The following MICAL3 variants were observed in gnomAD, a reference collection of about 807,000 sequenced individuals.
MICAL3 encodes [F-actin]-monooxygenase MICAL3.
In MICAL3, 62 loss-of-function variants were observed where a neutral mutation model predicts 207.4. That is an observed-to-expected ratio of 0.30 (90% CI 0.24 to 0.37). The LOEUF is 0.37. Ranked by LOEUF, MICAL3 falls within the 10% of genes least tolerant of loss-of-function variation. MICAL3 has a pLI of 1.00. For synonymous variants in MICAL3, 1,077 were observed against 1,069.3 expected (o/e 1.01, Z -0.14); for missense variants, 2,368 against 2,635.6 (o/e 0.90, Z 2.22).
chr22:17,916,026 C>T (rs1932478467), intron 1 of MICAL3, among the ~76,000 whole-genome samples: 1 of 130,694 alleles, frequency 7.7e-6, no homozygotes, highest in East Asian at 2.3e-4. Context: ...CACTGCATTC[C>T]AGCCTGGGGA....
At chr22:17,995,950 C>T (rs1253190256) in intron 1 of MICAL3, among the ~76,000 whole-genome samples, 1 of 151,212 alleles carries the variant, frequency 6.6e-6, no homozygotes, top group Middle Eastern at 3.2e-3. Flanking sequence ...TGTTCGAGCC[C>T]AGGAGCTCTA....
chr22:18,016,212 G>A (rs949923734), intron 1 of MICAL3, among the ~76,000 whole-genome samples: 1 of 152,046 alleles, frequency 6.6e-6, no homozygotes, highest in Non-Finnish European at 1.5e-5. Flanking sequence ...TTAACCATTA[G>A]CAAGAAGCAT....
chr22:17,809,571 T>G (rs365746), intron 28 of MICAL3, among the ~76,000 whole-genome samples: 53,416 of 152,098 alleles, frequency 0.35, 9,948 homozygotes, highest in African/African-American at 0.49. Flanking sequence ...GAGGCAGAGG[T>G]TGCAGTGAGC....
intron 22 of MICAL3, 119 bp downstream of exon 22, chr22:17,827,525 G>T: frequency 9.2e-7 from 1 of 1,087,922 alleles, no homozygotes; most frequent in Non-Finnish European, 1.3e-6. Context: ...GGATGCGCCT[G>T]GCTCCCGTGT....
At chr22:17,884,173 G>C in intron 16 of MICAL3, 1 of 673,730 alleles carries the variant, frequency 1.5e-6, no homozygotes, top group East Asian at 3.3e-5. Flanking sequence ...GCCCTCATGA[G>C]CTAGGATTCC....
At chr22:17,843,468 C>G (rs1924279321) in intron 19 of MICAL3, among the ~76,000 whole-genome samples, 1 of 152,182 alleles carries the variant, frequency 6.6e-6, no homozygotes, top group South Asian at 2.1e-4. Context: ...ATGCCTGGCT[C>G]CACCAGTAGT....
At position 17,849,644 on chromosome 22, in the gene MICAL3, ATGTGTGTGTGTGTG is replaced by A. The variant is rs149239378; in HGVS notation, c.2606-7641_2606-7628del. 7.6e-3 allele frequency among the ~76,000 whole-genome samples: 604 copies of A among 79,450 alleles called. 3 individuals are homozygous for A. Among genetic ancestry groups the A allele is most frequent in the Middle Eastern group, 0.016 (2 of 128 alleles). 52.1% of individuals were successfully genotyped at this position (79,450 alleles called of 152,430 possible). ...GCCACTGTGCCTGGCCCAGAATGGA[ATGTGTGTGTGTGTG>A]TGTGTGTGTGTGTGTGTGTGTGTGT... On this transcript the variant is annotated intron_variant, in intron 19 of 31. Transcript: ENST00000441493.
chr22:17,801,941 CAAAG>C (rs1385957615), intron 29 of MICAL3, among the ~76,000 whole-genome samples: 3 of 151,538 alleles, frequency 2.0e-5, no homozygotes, highest in African/African-American at 7.3e-5. Context: ...ACCCAAAAAA[CAAAG>C]AAAGCAGGAG....
At chr22:17,917,880 T>C (rs1602217258) in intron 1 of MICAL3, among the ~76,000 whole-genome samples, 1 of 152,214 alleles carries the variant, frequency 6.6e-6, no homozygotes, top group Non-Finnish European at 1.5e-5. Context: ...GTACAAAGCA[T>C]GTCCCTTCCC....
intron 16 of MICAL3, chr22:17,879,355 G>T: frequency 6.2e-7 from 1 of 1,611,488 alleles, no homozygotes; most frequent in Non-Finnish European, 8.5e-7. Context: ...CCCTCTCATG[G>T]TGGGGGCTCT....
At position 17,896,794 on chromosome 22, in the gene MICAL3, T is replaced by C. The variant is rs1245286098; in HGVS notation, c.1136A>G (p.Asn379Ser). 3.1e-6 allele frequency: 5 copies of C among 1,613,992 alleles called. No individual in the cohort carries two copies. The Admixed American group carries it at 8.3e-5, about 27-fold the overall frequency. The change falls in exon 8 of 32, where the codon AAC (asparagine) becomes AGC (serine). Residue 379 changes from asparagine (N) to serine (S), a missense_variant. This residue lies in a region of MICAL3 where 400 missense variants were observed against 547.0 expected (regional missense o/e 0.73). Transcript: ENST00000441493. ...FDFTCMYASE[N>S]AALVREQNGH... The stretch of plus-strand genomic sequence containing the variant: ...GTTCTGCTCCCGCACCAAGGCGGCG[T>C]TCTCGGAGGCATACATACAAGTGAA...
At position 17,964,200 on chromosome 22, in the gene MICAL3, C is replaced by CA. The variant is rs142212182; in HGVS notation, c.-74-57315dup. Reference sequence around the variant, plus strand: ...ATGAAGAAAAGAGCCAATCAAGACCCAAAAAATCTGCCTCTCCTCAGCTCA... The same window carrying CA: ...ATGAAGAAAAGAGCCAATCAAGACCCAAAAAAATCTGCCTCTCCTCAGCTCA... On this transcript the variant is annotated intron_variant, in intron 1 of 31. Transcript: ENST00000441493. Among the ~76,000 whole-genome samples, 1,233 of 152,284 alleles carry CA rather than the reference C, an allele frequency of 8.1e-3. 15 individuals carry two copies. The highest frequency in any genetic ancestry group is 0.028 in the African/African-American group (1,156 of 41,568).
intron 16 of MICAL3, among the ~76,000 whole-genome samples, chr22:17,882,881 C>T (rs899312375): frequency 1.3e-5 from 2 of 152,120 alleles, no homozygotes; most frequent in South Asian, 4.1e-4. Context: ...GTCTCCTACT[C>T]CACCATGACC....
chr22:17,935,346 T>C (rs914459087), intron 1 of MICAL3, among the ~76,000 whole-genome samples: 1 of 152,210 alleles, frequency 6.6e-6, no homozygotes, highest in African/African-American at 2.4e-5. Flanking sequence ...CCCTATTTAA[T>C]AAATGGTGCT....
intron 1 of MICAL3, among the ~76,000 whole-genome samples, chr22:17,942,894 A>G (rs370604085): frequency 6.6e-6 from 1 of 152,208 alleles, no homozygotes; most frequent in East Asian, 1.9e-4. Flanking sequence ...CAGCAGACCC[A>G]GCAAGGTCCA....
At chr22:17,949,501 G>C (rs1934231585) in intron 1 of MICAL3, among the ~76,000 whole-genome samples, 1 of 152,162 alleles carries the variant, frequency 6.6e-6, no homozygotes, top group African/African-American at 2.4e-5. Flanking sequence ...TCCAACACCT[G>C]TGCCCCTCCC....
chr22:17,945,796 A>G (rs567462785), intron 1 of MICAL3, among the ~76,000 whole-genome samples: 1 of 152,166 alleles, frequency 6.6e-6, no homozygotes, highest in South Asian at 2.1e-4. Flanking sequence ...GAAAGAAGGG[A>G]TGAGGGAGAG....
chr22:17,962,111 G>A (rs781349896), intron 1 of MICAL3, among the ~76,000 whole-genome samples: 4 of 152,168 alleles, frequency 2.6e-5, no homozygotes, highest in Non-Finnish European at 5.9e-5. Flanking sequence ...TCTGTCAATC[G>A]AGTGCTTGCT....
chr22:17,818,804 G>A lies in MICAL3; in HGVS notation c.3857C>T (p.Pro1286Leu), dbSNP rs73876508. Residue 1286 changes from proline (P) to leucine (L), a missense_variant, in exon 26 of 32, where the codon CCG (proline) becomes CTG (leucine). Physicochemically the swap from Pro to Leu is moderately conservative, Grantham distance 98 (BLOSUM62 -3). Around this residue, in one of 4 missense-constraint regions of MICAL3, gnomAD observed 1,770 missense variants for 1,863.2 expected, o/e 0.95. Coordinates refer to ENST00000441493, the MANE Select transcript of MICAL3 (RefSeq NM_015241.3). Reference sequence around the variant, plus strand: ...GGCCAGTGGGGTGGATGTTTTGGCCGGGGCAGGCTGGAAGCGTATGGGGGA... The same window carrying A: ...GGCCAGTGGGGTGGATGTTTTGGCCAGGGCAGGCTGGAAGCGTATGGGGGA... Reference protein sequence around the residue: ...TQSPIRFQPAPAKTSTPLAPL... With the variant: ...TQSPIRFQPALAKTSTPLAPL... 2.9e-3 allele frequency: 4,628 copies of A among 1,569,360 alleles called. 64 individuals are homozygous for A. The African/African-American group carries it at 0.03, about 10-fold the overall frequency.
Sources: gnomAD v4.1 joint callset for allele counts (sites outside exome capture counted in the v4.1 genomes callset) on GRCh38, gnomAD v4.1.1 for gene constraint, gnomAD v4.1.1 regional missense constraint, MANE v1.5 for transcripts, NCBI Gene and HGNC (gene_info 2026-07-23, HGNC 2026-07-21) for gene names.